The following ADSS2 variants were observed in gnomAD, a reference collection of about 807,000 sequenced individuals.
ADSS2 encodes adenylosuccinate synthetase isozyme 2.
In ADSS2, 30 loss-of-function variants were observed where a neutral mutation model predicts 60.0. The observed-to-expected ratio is 0.50, with a 90% CI of 0.37 to 0.68. ADSS2 has a LOEUF of 0.68. ADSS2 is among the 30% of genes least tolerant of loss of function. The probability of loss-of-function intolerance (pLI) is 0.00; values close to 1 mark genes in which losing one functional copy is unlikely to be tolerated. For missense variants in ADSS2, 373 were observed against 554.8 expected (o/e 0.67, Z 3.29); for synonymous variants, 187 against 193.1 (o/e 0.97, Z 0.26).
At chr1:244,430,532 T>C (rs970030158) in intron 4 of ADSS2, among the ~76,000 whole-genome samples, 7 of 152,230 alleles carry the variant, frequency 4.6e-5, no homozygotes, top group African/African-American at 1.7e-4. Flanking sequence ...TGCGGTATGC[T>C]GATTAAGATA....
intron 3 of ADSS2, 120 bp from the exon 4 acceptor site, chr1:244,432,715 G>A (rs1196327993): frequency 1.7e-6 from 1 of 575,856 alleles, no homozygotes. Context: ...CCAGGCTGGA[G>A]TGCAGTGGTG....
At chr1:244,437,930 C>CT (rs1332638120) in intron 1 of ADSS2, among the ~76,000 whole-genome samples, 162 bp from the exon 2 acceptor site, 1 of 152,134 alleles carries the variant, frequency 6.6e-6, no homozygotes, top group African/African-American at 2.4e-5. Context: ...AATAGTTTGG[C>CT]TGTCTCCTTT....
chr1:244,414,647 A>G (rs1219140603), intron 11 of ADSS2, among the ~76,000 whole-genome samples: 2 of 152,228 alleles, frequency 1.3e-5, no homozygotes, highest in African/African-American at 4.8e-5. Context: ...AGGAAAGACA[A>G]CAACCAGAAT....
intron 4 of ADSS2, among the ~76,000 whole-genome samples, chr1:244,425,965 T>G (rs187535626): frequency 6.6e-6 from 1 of 152,192 alleles, no homozygotes; most frequent in Non-Finnish European, 1.5e-5. Context: ...AATGGTAGAA[T>G]GAATGGATTT....
intron 1 of ADSS2, among the ~76,000 whole-genome samples, chr1:244,448,716 T>C (rs941200425): frequency 1.4e-4 from 21 of 152,206 alleles, no homozygotes; most frequent in African/African-American, 5.1e-4. Flanking sequence ...GAAAAAACAG[T>C]ATTAGGCTTC....
At position 244,451,793 on chromosome 1, in the gene ADSS2, C is replaced by G; in HGVS notation, c.25G>C (p.Ala9Pro). 6.3e-7 allele frequency: 1 copy of G among 1,595,256 alleles called. No homozygotes were observed. The highest frequency in any genetic ancestry group is 8.5e-7 in the Non-Finnish European group (1 of 1,172,140). The stretch of plus-strand genomic sequence containing the variant: ...TCGCCGTTGGGCAGGGAGGATGCCG[C>G]CGGGTAGGTCTCGGCGAACGCCATG... MAFAETYP[A>P]ASSLPNGDCG... Residue 9 changes from alanine (A) to proline (P), a missense_variant, in exon 1 of 13, where the codon GCG becomes CCG. Physicochemically the swap from Ala to Pro is conservative, Grantham distance 27. Around this residue, in one of 5 missense-constraint regions of ADSS2, gnomAD observed 47 missense variants for 48.3 expected, o/e 0.97. Transcript: ENST00000366535. This position sits in a 1 kb window ranked among gnomAD's most constrained non-coding sequence, Gnocchi z 6.6.
chr1:244,434,657 C>T (rs779627012), intron 3 of ADSS2, among the ~76,000 whole-genome samples: 1 of 151,826 alleles, frequency 6.6e-6, no homozygotes, highest in Non-Finnish European at 1.5e-5. Context: ...AAAATAGGAC[C>T]AAGAAATTCA....
At chr1:244,418,648 T>C in intron 9 of ADSS2, 112 bp downstream of exon 9, 2 of 1,139,440 alleles carry the variant, frequency 1.8e-6, no homozygotes, top group Non-Finnish European at 2.4e-6. Flanking sequence ...AAAATGTTGT[T>C]CTGACCAATC....
chr1:244,428,915 AC>A (rs1233805688), intron 4 of ADSS2, among the ~76,000 whole-genome samples: 1 of 152,212 alleles, frequency 6.6e-6, no homozygotes, highest in Non-Finnish European at 1.5e-5. Flanking sequence ...AAACTTCCTC[AC>A]AAAGATTTTC....
chr1:244,421,781 C>T (rs184157369), intron 7 of ADSS2, among the ~76,000 whole-genome samples: 44 of 152,132 alleles, frequency 2.9e-4, no homozygotes, highest in African/African-American at 1.0e-3. Context: ...GCGTTCAAGA[C>T]CAGCCTGGGC....
At chr1:244,444,036 T>C (rs1176197292) in intron 1 of ADSS2, among the ~76,000 whole-genome samples, 1 of 152,212 alleles carries the variant, frequency 6.6e-6, no homozygotes, top group African/African-American at 2.4e-5. Context: ...GGCAGGTTTC[T>C]TTGAGGAAAA....
At chr1:244,452,006 G>C, upstream of ADSS2, 1 of 555,050 alleles carries the variant, frequency 1.8e-6, no homozygotes, top group Non-Finnish European at 3.0e-6. Context: ...CGCTCAAGGG[G>C]GTACCATGAC....
At chr1:244,424,203 A>C in intron 5 of ADSS2, 118 bp downstream of exon 5, 1 of 1,234,990 alleles carries the variant, frequency 8.1e-7, no homozygotes, top group African/African-American at 1.5e-5. Context: ...AATCCTACTG[A>C]TTTTCTCTAA....
chr1:244,423,616 G>C (rs1332355615), intron 6 of ADSS2, among the ~76,000 whole-genome samples: 1 of 152,092 alleles, frequency 6.6e-6, no homozygotes, highest in East Asian at 1.9e-4. Flanking sequence ...AAAATGCAAG[G>C]ATCAAGACCT....
chr1:244,417,492 ACTT>A, intron 10 of ADSS2, 133 bp downstream of exon 10: 7 of 1,067,698 alleles, frequency 6.6e-6, no homozygotes, highest in Non-Finnish European at 9.3e-6. Flanking sequence ...ATCTTGGTCT[ACTT>A]CTGCCTGGCA....
At chr1:244,423,366 G>C (rs1403481690) in intron 6 of ADSS2, among the ~76,000 whole-genome samples, 1 of 152,168 alleles carries the variant, frequency 6.6e-6, no homozygotes, top group African/African-American at 2.4e-5. Context: ...TTGATCGAAA[G>C]GGGATACAAT....
intron 4 of ADSS2, among the ~76,000 whole-genome samples, chr1:244,425,361 T>C (rs558887136): frequency 6.6e-6 from 1 of 152,346 alleles, no homozygotes; most frequent in East Asian, 1.9e-4. Flanking sequence ...TTTTAGCATA[T>C]TTAACCATAG....
chr1:244,420,755 G>A (rs1246662736), intron 7 of ADSS2, among the ~76,000 whole-genome samples: 1 of 152,090 alleles, frequency 6.6e-6, no homozygotes, highest in African/African-American at 2.4e-5. Context: ...CACCCAGGCT[G>A]AAGTACAGTG....
At chr1:244,445,764 C>T (rs1027322444) in intron 1 of ADSS2, among the ~76,000 whole-genome samples, 12 of 152,096 alleles carry the variant, frequency 7.9e-5, no homozygotes, top group Admixed American at 4.6e-4. Context: ...CTCCTTTCTT[C>T]GCTCCCCCAA....
Sources: gnomAD v4.1 joint callset for allele counts (sites outside exome capture counted in the v4.1 genomes callset) on GRCh38, gnomAD v4.1.1 for gene constraint, gnomAD v4.1.1 regional missense constraint, Gnocchi (gnomAD v3.1) non-coding constraint, MANE v1.5 for transcripts, NCBI Gene and HGNC (gene_info 2026-07-23, HGNC 2026-07-21) for gene names.